SLC16A9: variants seen among roughly 807,000 people sequenced by gnomAD.
SLC16A9 encodes the protein solute carrier family 16 member 9.
Under a neutral mutation model 44.3 loss-of-function variants are expected in SLC16A9, and 26 were observed. The observed-to-expected ratio is 0.59, with a 90% CI of 0.43 to 0.81. The LOEUF (loss-of-function observed/expected upper bound fraction) is 0.81, where lower values mean the gene tolerates loss of function less well. Ranked by LOEUF, SLC16A9 falls within the 40% of genes least tolerant of loss-of-function variation. The probability of loss-of-function intolerance (pLI) is 0.00; values close to 1 mark genes in which losing one functional copy is unlikely to be tolerated. For synonymous variants in SLC16A9, 230 were observed against 225.1 expected (o/e 1.02, Z -0.19); for missense variants, 559 against 595.8 (o/e 0.94, Z 0.64).
intron 2 of SLC16A9, among the ~76,000 whole-genome samples, chr10:59,676,859 G>A (rs963211288): frequency 5.3e-5 from 8 of 150,544 alleles, no homozygotes; most frequent in African/African-American, 2.0e-4. Context: ...GAAGGTGGAG[G>A]TTGCAGTGAG....
At chr10:59,684,371 G>T in intron 1 of SLC16A9, 44 bp from the exon 2 acceptor site, 1 of 1,184,652 alleles carries the variant, frequency 8.4e-7, no homozygotes, top group Non-Finnish European at 1.2e-6. Context: ...TTAGAGTGTG[G>T]TAGGGCACAG....
intron 2 of SLC16A9, among the ~76,000 whole-genome samples, chr10:59,674,055 A>C (rs117357342): frequency 1.3e-5 from 2 of 152,176 alleles, no homozygotes; most frequent in African/African-American, 4.8e-5. Flanking sequence ...CGCAAAGCCA[A>C]ACTTGCGGGG....
At position 59,706,345 on chromosome 10, in the gene SLC16A9, G is replaced by GC. The variant is rs548857076; in HGVS notation, c.-37+3133dup. Among the ~76,000 whole-genome samples the GC allele has an allele frequency of 4.4e-3, 671 of 152,172 alleles. 7 individuals carry two copies. The highest frequency in any genetic ancestry group is 6.8e-3 in the Middle Eastern group (2 of 294). On this transcript the variant is annotated intron_variant, in intron 1 of 5. Transcript: ENST00000395348. ...CTGCCAAGAACCTCCAGAAGAAAAG[G>GC]CTAAGTAGCTCAAAATACATACATT...
intron 1 of SLC16A9, among the ~76,000 whole-genome samples, chr10:59,694,803 T>TATATATATATAC (rs1840333501): frequency 7.2e-5 from 2 of 27,640 alleles, no homozygotes; most frequent in Admixed American, 4.0e-4. Context: ...CCATCTCAAA[T>TATATATATATAC]ATATATATAT....
chr10:59,701,978 T>C (rs1365834425), intron 1 of SLC16A9, among the ~76,000 whole-genome samples: 1 of 152,248 alleles, frequency 6.6e-6, no homozygotes, highest in Non-Finnish European at 1.5e-5. Flanking sequence ...TAGATTGTTA[T>C]TTGTTAAGGG....
chr10:59,688,278 C>T (rs1192563389), intron 1 of SLC16A9, among the ~76,000 whole-genome samples: 1 of 152,236 alleles, frequency 6.6e-6, no homozygotes, highest in African/African-American at 2.4e-5. Context: ...TGGCTACCTT[C>T]AGAGAGTCAT....
At chr10:59,693,921 A>C (rs1024685354) in intron 1 of SLC16A9, among the ~76,000 whole-genome samples, 6 of 135,140 alleles carry the variant, frequency 4.4e-5, no homozygotes, top group African/African-American at 1.7e-4. Context: ...CCGGCCTTTT[A>C]ATTTTACTTA....
Position 59,672,759 on chromosome 10 carries a change from AG to A in SLC16A9, c.340+10del. 2.5e-6 allele frequency: 4 copies of A among 1,609,130 alleles called. No individual in the cohort carries two copies. Among genetic ancestry groups the A allele is most frequent in the Non-Finnish European group, 1.7e-6 (2 of 1,178,168 alleles). ...GAAGGTTAGGAAAGTCATAGTGACGAGGTTCCTTACCTACAACAATGCCATA... is the reference window on the plus strand; with the variant it reads ...GAAGGTTAGGAAAGTCATAGTGACGAGTTCCTTACCTACAACAATGCCATA... On this transcript the variant is annotated intron_variant, in intron 3 of 5. Transcript: ENST00000395348.
chr10:59,704,814 T>A (rs940719588), intron 1 of SLC16A9, among the ~76,000 whole-genome samples: 2 of 152,252 alleles, frequency 1.3e-5, no homozygotes, highest in African/African-American at 4.8e-5. Flanking sequence ...GACGTGTTCT[T>A]TCAGTTAGCA....
At position 59,695,988 on chromosome 10, in the gene SLC16A9, G is replaced by A. The variant is rs182061226; in HGVS notation, c.-36-11661C>T. 1.1e-3 allele frequency among the ~76,000 whole-genome samples: 175 copies of A among 152,284 alleles called. 1 individual carries two copies. Among genetic ancestry groups the A allele is most frequent in the Admixed American group, 5.6e-3 (85 of 15,294 alleles). On this transcript the variant is annotated intron_variant, in intron 1 of 5. Coordinates refer to ENST00000395348, the MANE Select transcript of SLC16A9 (RefSeq NM_194298.3). ...AAGAAGGCACATTTCTCTAGCATCT[G>A]GTTCCAGAACGATAGGAACTGAGTA... is the stretch of plus-strand genomic sequence containing the variant.
chr10:59,697,974 C>A (rs10821580), intron 1 of SLC16A9, among the ~76,000 whole-genome samples: 53,328 of 142,068 alleles, frequency 0.38, 10,993 homozygotes, highest in Middle Eastern at 0.54. Context: ...AAAAAAAAAA[C>A]AAAAAACAAA....
intron 1 of SLC16A9, among the ~76,000 whole-genome samples, chr10:59,708,168 T>C (rs1160002315): frequency 6.6e-6 from 1 of 152,232 alleles, no homozygotes; most frequent in African/African-American, 2.4e-5. Flanking sequence ...GACTGGTTTC[T>C]GGCAATGATA....
In SLC16A9 at chr10:59,684,293, G is replaced by A. The variant is rs1051476653; in HGVS notation, c.-2C>T. ...GTCAGGCGACTTTTTAAGTTCCATT[G>A]TAAGACAAAATCAGGAGGCGTTTCT... On this transcript the variant is annotated 5_prime_UTR_variant, in exon 2 of 6. Coordinates refer to ENST00000395348, the MANE Select transcript of SLC16A9 (RefSeq NM_194298.3). The A allele has an allele frequency of 2.5e-6, 4 of 1,610,724 alleles. No homozygotes were observed. Among genetic ancestry groups the A allele is most frequent in the Non-Finnish European group, 2.5e-6 (3 of 1,178,622 alleles).
chr10:59,691,580 A>G (rs1177960130), intron 1 of SLC16A9, among the ~76,000 whole-genome samples: 1 of 152,196 alleles, frequency 6.6e-6, no homozygotes, highest in Non-Finnish European at 1.5e-5. Flanking sequence ...ACAAAATTAG[A>G]TTATCATTAG....
chr10:59,676,753 C>T (rs946850109), intron 2 of SLC16A9, among the ~76,000 whole-genome samples: 3 of 151,654 alleles, frequency 2.0e-5, no homozygotes, highest in African/African-American at 7.3e-5. Context: ...CGAAACCCTG[C>T]CTCTACTAAA....
chr10:59,683,080 A>C (rs751797392), intron 2 of SLC16A9, among the ~76,000 whole-genome samples: 1 of 152,170 alleles, frequency 6.6e-6, no homozygotes, highest in Non-Finnish European at 1.5e-5. Flanking sequence ...TGCATTTTTC[A>C]TGAAACCATT....
At chr10:59,661,218 C>A (rs1172720315) in intron 4 of SLC16A9, among the ~76,000 whole-genome samples, 4 of 152,210 alleles carry the variant, frequency 2.6e-5, no homozygotes, top group African/African-American at 9.6e-5. Flanking sequence ...CAAATTATCT[C>A]TGTTTGCAGA....
Position 59,684,207 on chromosome 10 carries a change from A to T in SLC16A9, c.85T>A (p.Ser29Thr). 6.2e-7 allele frequency: 1 copy of T among 1,614,070 alleles called. No homozygotes were observed. Among genetic ancestry groups the T allele is most frequent in the African/African-American group, 1.3e-5 (1 of 75,016 alleles). The change falls in exon 2 of 6, where the codon TCC becomes ACC. Residue 29 changes from serine (S) to threonine (T), a missense_variant. Ser to Thr is a moderately conservative substitution (Grantham distance 58, BLOSUM62 1). Coordinates refer to ENST00000395348, the MANE Select transcript of SLC16A9 (RefSeq NM_194298.3). ...TACAGGACTCCAACAGCTAGTGGGGATCCGTAACACAAAAACTGAGTAAGG... is the reference window on the plus strand; with the variant it reads ...TACAGGACTCCAACAGCTAGTGGGGTTCCGTAACACAAAAACTGAGTAAGG... ...SFLTQFLCYG[S>T]PLAVGVLYIE...
At chr10:59,667,044 A>G (rs1349773823) in intron 3 of SLC16A9, among the ~76,000 whole-genome samples, 1 of 152,182 alleles carries the variant, frequency 6.6e-6, no homozygotes, top group Non-Finnish European at 1.5e-5. Context: ...AACTCAGCAA[A>G]TTGATATTTT....
Sources: gnomAD v4.1 joint callset for allele counts (sites outside exome capture counted in the v4.1 genomes callset) on GRCh38, gnomAD v4.1.1 for gene constraint, MANE v1.5 for transcripts, NCBI Gene and HGNC (gene_info 2026-07-23, HGNC 2026-07-21) for gene names.